PDZRN4: variants seen among roughly 807,000 people sequenced by gnomAD.
PDZRN4 encodes the protein PDZ domain containing ring finger 4, also known as PDZ domain-containing RING finger protein 4.
In PDZRN4, 70 loss-of-function variants were observed where a neutral mutation model predicts 99.0. The ratio of observed to expected loss-of-function variants is 0.71; its 90% CI spans 0.58 to 0.86. PDZRN4 has a LOEUF of 0.86. Ranked by LOEUF, PDZRN4 falls within the 40% of genes least tolerant of loss-of-function variation. The pLI is 0.00. For missense variants in PDZRN4, 1,474 were observed against 1,331.2 expected (o/e 1.11, Z -1.67); for synonymous variants, 551 against 501.6 (o/e 1.10, Z -1.32).
intron 3 of PDZRN4, among the ~76,000 whole-genome samples, chr12:41,283,681 C>A (rs1239020257): frequency 2.0e-5 from 3 of 152,066 alleles, no homozygotes; most frequent in Admixed American, 2.0e-4. Flanking sequence ...TGGCTTCATC[C>A]CTGGGATGCA....
At chr12:41,223,341 C>T (rs1482398157) in intron 3 of PDZRN4, among the ~76,000 whole-genome samples, 2 of 151,998 alleles carry the variant, frequency 1.3e-5, no homozygotes, top group Admixed American at 6.6e-5. Flanking sequence ...TTTCTAAATT[C>T]CATTCATCCC....
chr12:41,417,370 T>C (rs1952453836), intron 3 of PDZRN4, among the ~76,000 whole-genome samples: 1 of 152,240 alleles, frequency 6.6e-6, no homozygotes. Flanking sequence ...CATTACCTAA[T>C]TTCAAGGAGG....
intron 3 of PDZRN4, among the ~76,000 whole-genome samples, chr12:41,296,757 C>T (rs1034737598): frequency 1.3e-5 from 2 of 151,980 alleles, no homozygotes; most frequent in African/African-American, 2.4e-5. Flanking sequence ...CTCAGGAATT[C>T]GAAACCAGCC....
At chr12:41,513,035 C>G (rs564814272) in intron 5 of PDZRN4, among the ~76,000 whole-genome samples, 1 of 152,074 alleles carries the variant, frequency 6.6e-6, no homozygotes, top group Non-Finnish European at 1.5e-5. Context: ...TAAAGACCTA[C>G]TTACTATTAA....
Position 41,509,791 on chromosome 12 carries a change from T to C in PDZRN4, c.1101-20T>C, listed in dbSNP as rs1938275325. 1 of 1,131,846 alleles carries C rather than the reference T, an allele frequency of 8.8e-7. No homozygotes were observed. The highest frequency in any genetic ancestry group is 2.0e-4 in the Middle Eastern group (1 of 5,060). 70.1% of individuals were successfully genotyped at this position (1,131,846 alleles called of 1,614,324 possible). ...CAACCCATTTAATCTATTCCTATCATATTGCTACATTCCCCATAGCTGCCA... is the reference window on the plus strand; with the variant it reads ...CAACCCATTTAATCTATTCCTATCACATTGCTACATTCCCCATAGCTGCCA... On this transcript the variant is annotated intron_variant, in intron 4 of 9. Transcript: ENST00000402685.
chr12:41,535,195 T>G (rs1406932487), intron 5 of PDZRN4, among the ~76,000 whole-genome samples: 1 of 152,258 alleles, frequency 6.6e-6, no homozygotes. Flanking sequence ...GGCTTTGCAA[T>G]TATGCAACTA....
chr12:41,282,278 G>A (rs1246337820), intron 3 of PDZRN4, among the ~76,000 whole-genome samples: 1 of 152,104 alleles, frequency 6.6e-6, no homozygotes, highest in Admixed American at 6.5e-5. Context: ...ACAAAGAAGA[G>A]CATTACATAA....
intron 3 of PDZRN4, among the ~76,000 whole-genome samples, chr12:41,300,493 A>G (rs376652824): frequency 2.0e-5 from 3 of 152,130 alleles, no homozygotes; most frequent in African/African-American, 7.2e-5. Flanking sequence ...TGTCTGGCAC[A>G]CCCAGAAATG....
At chr12:41,546,841 C>T (rs1033608656) in intron 5 of PDZRN4, among the ~76,000 whole-genome samples, 25 of 152,128 alleles carry the variant, frequency 1.6e-4, no homozygotes, top group Admixed American at 1.6e-3. Flanking sequence ...CTTAACATTG[C>T]TATTTTTAAA....
intron 3 of PDZRN4, among the ~76,000 whole-genome samples, chr12:41,415,269 G>A (rs1197381417): frequency 2.0e-5 from 3 of 151,278 alleles, no homozygotes; most frequent in Non-Finnish European, 4.4e-5. Context: ...AGACATATGG[G>A]TGGAATTGAA....
intron 3 of PDZRN4, among the ~76,000 whole-genome samples, chr12:41,457,687 G>T (rs1328257091): frequency 6.6e-6 from 1 of 152,232 alleles, no homozygotes; most frequent in South Asian, 2.1e-4. Context: ...CATGGTATTT[G>T]TTTTAAAATA....
intron 5 of PDZRN4, among the ~76,000 whole-genome samples, chr12:41,519,056 T>C (rs1938449834): frequency 6.6e-6 from 1 of 152,138 alleles, no homozygotes; most frequent in African/African-American, 2.4e-5. Context: ...ATGTAATGTA[T>C]ACCTACTTCC....
intron 3 of PDZRN4, chr12:41,477,804 G>T (rs773410539): frequency 6.6e-5 from 62 of 933,566 alleles, no homozygotes; most frequent in Non-Finnish European, 9.4e-5. Flanking sequence ...CCTTTACCAT[G>T]CATGTGGTAA....
chr12:41,276,740 G>T (rs963126437), intron 3 of PDZRN4, among the ~76,000 whole-genome samples: 2 of 152,100 alleles, frequency 1.3e-5, no homozygotes, highest in Non-Finnish European at 2.9e-5. Context: ...ATACTATTCT[G>T]CAGATTACAA....
At chr12:41,548,492 T>C (rs1019707526) in intron 5 of PDZRN4, among the ~76,000 whole-genome samples, 1 of 152,184 alleles carries the variant, frequency 6.6e-6, no homozygotes, top group Admixed American at 6.5e-5. Flanking sequence ...TAAATAAAGA[T>C]ATGGACATAA....
At chr12:41,528,661 G>A (rs1311444408) in intron 5 of PDZRN4, among the ~76,000 whole-genome samples, 1 of 152,150 alleles carries the variant, frequency 6.6e-6, no homozygotes, top group Admixed American at 6.5e-5. Flanking sequence ...GCCTCGCATT[G>A]TTTGTGTTGA....
chr12:41,339,692 G>A (rs1050869917), intron 3 of PDZRN4, among the ~76,000 whole-genome samples: 1 of 151,904 alleles, frequency 6.6e-6, no homozygotes, highest in African/African-American at 2.4e-5. Context: ...GAATTAATAG[G>A]CAGAATATGT....
intron 3 of PDZRN4, among the ~76,000 whole-genome samples, chr12:41,454,722 T>C (rs915302591): frequency 6.6e-6 from 1 of 152,218 alleles, no homozygotes; most frequent in African/African-American, 2.4e-5. Flanking sequence ...CTGGTCCACA[T>C]TTTCAGCAAT....
intron 5 of PDZRN4, among the ~76,000 whole-genome samples, chr12:41,524,277 A>G (rs1438288173): frequency 1.3e-5 from 2 of 152,196 alleles, no homozygotes; most frequent in African/African-American, 4.8e-5. Context: ...GAATGTCTGT[A>G]CTACCCAAAA....
Sources: allele counts gnomAD v4.1 joint callset (sites outside exome capture counted in the v4.1 genomes callset), GRCh38; gene constraint gnomAD v4.1.1; transcripts MANE v1.5; gene names NCBI Gene and HGNC (gene_info 2026-07-23, HGNC 2026-07-21).